TAOK3: variants seen among roughly 807,000 people sequenced by gnomAD.
TAOK3 encodes serine/threonine-protein kinase TAO3.
In TAOK3, 40 loss-of-function variants were observed where a neutral mutation model predicts 120.4. The observed-to-expected ratio is 0.33, with a 90% CI of 0.26 to 0.43. The LOEUF (loss-of-function observed/expected upper bound fraction) is 0.43, where lower values mean the gene tolerates loss of function less well. Ranked by LOEUF, TAOK3 falls within the 20% of genes least tolerant of loss-of-function variation. The pLI is 1.00. For synonymous variants in TAOK3, 355 were observed against 387.5 expected (o/e 0.92, Z 0.99); for missense variants, 821 against 1,112.1 (o/e 0.74, Z 3.72).
chr12:118,217,818 T>C (rs1252417187), intron 9 of TAOK3, among the ~76,000 whole-genome samples: 1 of 29,034 alleles, frequency 3.4e-5, no homozygotes, highest in Admixed American at 3.2e-4. Flanking sequence ...TGTGTATACA[T>C]ATATATATAT....
At chr12:118,324,536 A>C (rs2043849623) in intron 1 of TAOK3, among the ~76,000 whole-genome samples, 1 of 151,288 alleles carries the variant, frequency 6.6e-6, no homozygotes, top group South Asian at 2.1e-4. Context: ...TTCCTCCTTC[A>C]TCTGTCTTCC....
chr12:118,238,965 A>G (rs898914142), intron 6 of TAOK3, among the ~76,000 whole-genome samples: 2 of 152,236 alleles, frequency 1.3e-5, no homozygotes, highest in Non-Finnish European at 2.9e-5. Context: ...GTTTTTGGCT[A>G]CATGTACCAT....
At chr12:118,353,080 C>T (rs1323118666) in intron 1 of TAOK3, among the ~76,000 whole-genome samples, 5 of 152,128 alleles carry the variant, frequency 3.3e-5, no homozygotes, top group Non-Finnish European at 7.3e-5. Flanking sequence ...TCAGTTTCCT[C>T]CGCCTTATGC....
intron 2 of TAOK3, among the ~76,000 whole-genome samples, chr12:118,266,442 T>A (rs543298497): frequency 6.6e-6 from 1 of 152,126 alleles, no homozygotes; most frequent in South Asian, 2.1e-4. Flanking sequence ...CCTCAGGTGA[T>A]CCACCTGCCT....
At chr12:118,166,551 A>AT (rs1329728063) in intron 17 of TAOK3, among the ~76,000 whole-genome samples, 1 of 152,024 alleles carries the variant, frequency 6.6e-6, no homozygotes, top group African/African-American at 2.4e-5. Flanking sequence ...AAAAAAAAAA[A>AT]AAAAGTTCTA....
At chr12:118,244,411 A>G (rs992400077) in intron 4 of TAOK3, among the ~76,000 whole-genome samples, 20 of 152,184 alleles carry the variant, frequency 1.3e-4, no homozygotes, top group African/African-American at 4.3e-4. Context: ...AAAAATAATT[A>G]TGAATGTTCA....
Position 118,160,504 on chromosome 12 carries a change from A to C in TAOK3, c.2140-146T>G. ...TGCTAATCAATAAAAATCAAGCAGT[A>C]TGTATGACACAGACAAAAGTTAACT... On this transcript the variant is annotated intron_variant, in intron 18 of 20. Transcript: ENST00000392533. This position sits in a 1 kb window ranked among gnomAD's most constrained non-coding sequence, Gnocchi z 4.2. 1.5e-6 allele frequency: 1 copy of C among 672,142 alleles called. No homozygotes were observed. Among genetic ancestry groups the C allele is most frequent in the South Asian group, 1.9e-5 (1 of 53,474 alleles). 41.6% of individuals were successfully genotyped at this position (672,142 alleles called of 1,614,324 possible).
intron 1 of TAOK3, among the ~76,000 whole-genome samples, chr12:118,293,126 C>A (rs2042545120): frequency 6.6e-6 from 1 of 152,218 alleles, no homozygotes; most frequent in South Asian, 2.1e-4. Context: ...CTCACAGGAA[C>A]TGGAGAAACT....
At chr12:118,352,419 C>T (rs533575977) in intron 1 of TAOK3, among the ~76,000 whole-genome samples, 6 of 151,194 alleles carry the variant, frequency 4.0e-5, no homozygotes, top group Non-Finnish European at 7.4e-5. Flanking sequence ...TAGGGAGAAT[C>T]GCTTGAACCT....
At chr12:118,322,790 A>G (rs1257937920) in intron 1 of TAOK3, among the ~76,000 whole-genome samples, 3 of 144,612 alleles carry the variant, frequency 2.1e-5, no homozygotes, top group South Asian at 2.2e-4. Flanking sequence ...CAGTGGCACA[A>G]TCTCAGCTAA....
At chr12:118,269,668 C>T (rs1051142180) in intron 1 of TAOK3, among the ~76,000 whole-genome samples, 1 of 152,142 alleles carries the variant, frequency 6.6e-6, no homozygotes, top group Non-Finnish European at 1.5e-5. Context: ...CTGCGCCCAG[C>T]CCACTTTTAC....
intron 14 of TAOK3, among the ~76,000 whole-genome samples, chr12:118,188,101 A>T (rs551713704): frequency 6.6e-6 from 1 of 152,272 alleles, no homozygotes; most frequent in African/African-American, 2.4e-5. Context: ...AGAAAAAAGA[A>T]CCTGTCCCAG....
intron 9 of TAOK3, among the ~76,000 whole-genome samples, chr12:118,225,722 ACCT>A (rs977997119): frequency 6.6e-6 from 1 of 152,220 alleles, no homozygotes; most frequent in East Asian, 1.9e-4. Flanking sequence ...CCTATAAAAT[ACCT>A]CCTACTTTAA....
intron 1 of TAOK3, among the ~76,000 whole-genome samples, chr12:118,297,873 C>T (rs2042739787): frequency 6.6e-6 from 1 of 152,162 alleles, no homozygotes; most frequent in African/African-American, 2.4e-5. Context: ...CTGAAGCGAT[C>T]CTTCCGGTAT....
intron 9 of TAOK3, among the ~76,000 whole-genome samples, chr12:118,222,792 G>C (rs2139664173): frequency 6.6e-6 from 1 of 151,966 alleles, no homozygotes; most frequent in South Asian, 2.1e-4. Context: ...GGTAGGAGGG[G>C]GTGTGGGATA....
intron 1 of TAOK3, among the ~76,000 whole-genome samples, chr12:118,284,053 G>C (rs1314311295): frequency 2.0e-5 from 3 of 152,066 alleles, no homozygotes; most frequent in Non-Finnish European, 4.4e-5. Flanking sequence ...AGAATATTTT[G>C]TTTAAAAATA....
intron 1 of TAOK3, among the ~76,000 whole-genome samples, chr12:118,322,852 A>T (rs548445952): frequency 4.7e-5 from 7 of 149,606 alleles, no homozygotes; most frequent in South Asian, 4.2e-4. Context: ...CAGCCTCCCG[A>T]GTAGCTGGGA....
At chr12:118,332,852 A>G (rs2044208514) in intron 1 of TAOK3, among the ~76,000 whole-genome samples, 1 of 152,232 alleles carries the variant, frequency 6.6e-6, no homozygotes, top group Non-Finnish European at 1.5e-5. Context: ...AATATCAGAT[A>G]AAGTGGACTT....
chr12:118,161,931 T>C lies in TAOK3; in HGVS notation c.1996A>G (p.Thr666Ala), dbSNP rs1459592765. 12 of 1,614,054 alleles carry C rather than the reference T, an allele frequency of 7.4e-6. No individual in the cohort carries two copies. In the Admixed American group the frequency reaches 2.0e-4, roughly 27 times the overall value. Residue 666 changes from threonine to alanine, a missense_variant, in exon 18 of 21, where the codon ACG becomes GCG. Transcript: ENST00000392533. This position sits in a 1 kb window ranked among gnomAD's most constrained non-coding sequence, Gnocchi z 4.5. ...AGATCCATGCGTAGCTTCTGTAACG[T>C]GTGCAGCTGCCTGTACTCTAGCTCT... is the stretch of plus-strand genomic sequence containing the variant. ...TRELEYRQLHTLQKLRMDLIR... is the reference protein window; with the variant it reads ...TRELEYRQLHALQKLRMDLIR...
Sources: gnomAD v4.1 joint callset for allele counts (sites outside exome capture counted in the v4.1 genomes callset) on GRCh38, gnomAD v4.1.1 for gene constraint, Gnocchi (gnomAD v3.1) non-coding constraint, MANE v1.5 for transcripts, NCBI Gene and HGNC (gene_info 2026-07-23, HGNC 2026-07-21) for gene names.